Variants in ALK observed in about 807,000 individuals in gnomAD.
The protein encoded by ALK is ALK receptor tyrosine kinase.
ALK carries 74 observed loss-of-function variants against 163.1 expected under a neutral mutation model. The ratio of observed to expected loss-of-function variants is 0.45; its 90% CI spans 0.38 to 0.55. ALK has a LOEUF of 0.55. ALK is among the 20% of genes least tolerant of loss of function. The pLI, the probability that ALK is intolerant of heterozygous loss-of-function variation, is 0.00. For missense variants in ALK, 2,063 were observed against 2,105.3 expected (o/e 0.98, Z 0.39); for synonymous variants, 960 against 843.2 (o/e 1.14, Z -2.40).
chr2:29,258,021 T>C (rs1054813516), intron 11 of ALK, among the ~76,000 whole-genome samples: 1 of 152,144 alleles, frequency 6.6e-6, no homozygotes, highest in African/African-American at 2.4e-5. Context: ...AAATTTTCTG[T>C]AGAGATGAGG....
At chr2:29,893,348 T>G (rs975794379) in intron 1 of ALK, among the ~76,000 whole-genome samples, 12 of 152,226 alleles carry the variant, frequency 7.9e-5, no homozygotes, top group African/African-American at 2.9e-4. Flanking sequence ...TTGCTCTGAC[T>G]TTCTGCCATG....
intron 24 of ALK, among the ~76,000 whole-genome samples, chr2:29,212,148 G>A (rs1306177239): frequency 1.3e-5 from 2 of 152,218 alleles, no homozygotes; most frequent in Non-Finnish European, 2.9e-5. Context: ...CCAGTGCTAA[G>A]TGAAGGAAGA....
At chr2:29,664,844 T>A (rs921256410) in intron 3 of ALK, among the ~76,000 whole-genome samples, 1 of 152,110 alleles carries the variant, frequency 6.6e-6, no homozygotes, top group African/African-American at 2.4e-5. Context: ...ACATGATTAC[T>A]ATAATAGTCT....
At position 29,232,313 on chromosome 2, in the gene ALK, C is replaced by A; in HGVS notation, c.2623G>T (p.Gly875Ter). 6.2e-7 allele frequency: 1 copy of A among 1,614,226 alleles called. No homozygotes were observed. The highest frequency in any genetic ancestry group is 8.5e-7 in the Non-Finnish European group (1 of 1,180,040). ...SSVLGLNGNSGAAGGGGGWND... is the reference protein window; with the variant it reads ...SSVLGLNGNS ...GCTTGCAGCGCTTTACCTGCGGCTCCGGAATTGCCGTTTAGCCCTAGAACC... is the reference window on the plus strand; with the variant it reads ...GCTTGCAGCGCTTTACCTGCGGCTCAGGAATTGCCGTTTAGCCCTAGAACC... Residue 875 changes from glycine to a stop codon, truncating the protein, a stop_gained, in exon 15 of 29, where the codon GGA becomes TGA. Coordinates refer to ENST00000389048, the MANE Select transcript of ALK (RefSeq NM_004304.5). LOFTEE classifies it high-confidence loss of function.
At chr2:29,593,684 A>C (rs1360086193) in intron 3 of ALK, among the ~76,000 whole-genome samples, 2 of 152,264 alleles carry the variant, frequency 1.3e-5, no homozygotes, top group African/African-American at 2.4e-5. Flanking sequence ...CTCTGCATTT[A>C]GGGATGTGAT....
At chr2:29,718,955 C>T (rs950245523) in intron 1 of ALK, among the ~76,000 whole-genome samples, 1 of 152,204 alleles carries the variant, frequency 6.6e-6, no homozygotes, top group Non-Finnish European at 1.5e-5. Flanking sequence ...TCCACATTAC[C>T]CCCTGTACCA....
At chr2:29,687,504 C>T (rs1271790729) in intron 3 of ALK, among the ~76,000 whole-genome samples, 1 of 151,462 alleles carries the variant, frequency 6.6e-6, no homozygotes, top group East Asian at 1.9e-4. Context: ...ATAGAATAGT[C>T]TCGAATGATA....
At chr2:29,862,402 A>G (rs1666318898) in intron 1 of ALK, among the ~76,000 whole-genome samples, 1 of 152,176 alleles carries the variant, frequency 6.6e-6, no homozygotes. Flanking sequence ...AACCCTAAAG[A>G]TTCCACCAAC....
At chr2:29,720,086 T>C (rs1679378832) in intron 1 of ALK, among the ~76,000 whole-genome samples, 2 of 152,080 alleles carry the variant, frequency 1.3e-5, no homozygotes, top group East Asian at 1.9e-4. Flanking sequence ...TATTAACTTC[T>C]TCCTGGATGT....
At chr2:29,266,553 G>C (rs1665226831) in intron 11 of ALK, among the ~76,000 whole-genome samples, 1 of 152,148 alleles carries the variant, frequency 6.6e-6, no homozygotes. Context: ...TTGTACCTTT[G>C]AAAGCCTGAT....
chr2:29,219,732 G>C (rs1272839392), intron 23 of ALK, among the ~76,000 whole-genome samples: 2 of 152,176 alleles, frequency 1.3e-5, no homozygotes, highest in East Asian at 1.9e-4. Context: ...CCAATCCTCA[G>C]ATCTCACCTG....
At chr2:29,391,074 T>C (rs935153796) in intron 4 of ALK, among the ~76,000 whole-genome samples, 2 of 152,146 alleles carry the variant, frequency 1.3e-5, no homozygotes, top group Admixed American at 6.5e-5. Context: ...CAGGGCTGGG[T>C]TCCCTGGGGC....
At chr2:29,500,360 G>A (rs971305514) in intron 4 of ALK, among the ~76,000 whole-genome samples, 4 of 152,114 alleles carry the variant, frequency 2.6e-5, no homozygotes, top group African/African-American at 7.2e-5. Flanking sequence ...GCTCCACCGT[G>A]TAAGATGCCT....
chr2:29,875,356 T>C (rs1361253611), intron 1 of ALK, among the ~76,000 whole-genome samples: 2 of 152,202 alleles, frequency 1.3e-5, no homozygotes, highest in African/African-American at 4.8e-5. Context: ...ACATTGTAAA[T>C]GGACTTAATG....
At chr2:29,646,878 G>T (rs182688136) in intron 3 of ALK, among the ~76,000 whole-genome samples, 1 of 152,048 alleles carries the variant, frequency 6.6e-6, no homozygotes, top group Non-Finnish European at 1.5e-5. Flanking sequence ...TGTACATTTT[G>T]CTTATTTTTC....
At chr2:29,564,732 G>C (rs191364470) in intron 3 of ALK, among the ~76,000 whole-genome samples, 4 of 152,192 alleles carry the variant, frequency 2.6e-5, no homozygotes, top group South Asian at 2.1e-4. Flanking sequence ...AGGAAGGGAG[G>C]GGGTATCTCA....
chr2:29,844,794 G>T lies in ALK; in HGVS notation c.667+75199C>A, dbSNP rs148594122. Among the ~76,000 whole-genome samples, 3 of 152,134 alleles carry T rather than the reference G, an allele frequency of 2.0e-5. No individual in the cohort carries two copies. In the East Asian group the frequency reaches 5.8e-4, roughly 29 times the overall value. On this transcript the variant is annotated intron_variant, in intron 1 of 28. Coordinates refer to ENST00000389048, the MANE Select transcript of ALK (RefSeq NM_004304.5). ...TAGAGCCAAAAGTTTAAAAGTATGT[G>T]TTTGATGTTGCTAGCAGCAGAGATG... is the stretch of plus-strand genomic sequence containing the variant.
At chr2:29,819,791 A>C (rs1344010156) in intron 1 of ALK, among the ~76,000 whole-genome samples, 2 of 152,206 alleles carry the variant, frequency 1.3e-5, no homozygotes, top group Non-Finnish European at 2.9e-5. Flanking sequence ...CATGGTCAGC[A>C]GGTCACTAAA....
chr2:29,809,115 G>A (rs935650293), intron 1 of ALK, among the ~76,000 whole-genome samples: 2 of 152,142 alleles, frequency 1.3e-5, no homozygotes, highest in Non-Finnish European at 2.9e-5. Context: ...AAACTACATC[G>A]GAGAGCATAT....
Sources: gnomAD v4.1 joint callset for allele counts (sites outside exome capture counted in the v4.1 genomes callset) on GRCh38, gnomAD v4.1.1 for gene constraint, MANE v1.5 for transcripts, NCBI Gene and HGNC (gene_info 2026-07-23, HGNC 2026-07-21) for gene names.